Variants in GPHN observed in about 807,000 individuals in gnomAD.
GPHN encodes the protein gephyrin.
A neutral mutation model predicts 95.5 loss-of-function variants in GPHN; 17 were observed. The observed-to-expected ratio is 0.18, with a 90% CI of 0.12 to 0.27. The LOEUF (loss-of-function observed/expected upper bound fraction) is 0.27. Among genes scored for constraint, GPHN ranks in the 10% least tolerant of loss-of-function variants. The probability of loss-of-function intolerance (pLI) is 1.00; values close to 1 mark genes in which losing one functional copy is unlikely to be tolerated. For synonymous variants in GPHN, 320 were observed against 322.5 expected, an observed-to-expected ratio of 0.99 and a Z score of 0.08; for missense variants, 660 against 978.1, an observed-to-expected ratio of 0.67 and a Z score of 4.34.
the GPHN span, among the ~76,000 whole-genome samples, chr14:67,568,255 C>T: frequency 1.2e-4 from 18 of 152,222 alleles, no homozygotes; most frequent in African/African-American, 4.1e-4. Flanking sequence ...CATGGAATAC[C>T]GTGCAGCCAT....
the GPHN span, among the ~76,000 whole-genome samples, chr14:67,514,130 G>A: frequency 1.3e-5 from 2 of 152,074 alleles, no homozygotes; most frequent in African/African-American, 2.4e-5. Flanking sequence ...CCAGCAGAAA[G>A]CTGCCTGGGG....
chr14:66,542,275 A>G (rs2059379924), intron 1 of GPHN, among the ~76,000 whole-genome samples: 1 of 152,168 alleles, frequency 6.6e-6, no homozygotes, highest in African/African-American at 2.4e-5. Context: ...ACTACCTGGC[A>G]TTCATATTGT....
chr14:67,429,047 T>C, the GPHN span, among the ~76,000 whole-genome samples: 1 of 152,206 alleles, frequency 6.6e-6, no homozygotes, highest in East Asian at 1.9e-4. Flanking sequence ...CCGTATTCTC[T>C]TGTTTTATAC....
At chr14:66,745,305 A>G (rs980340436) in intron 2 of GPHN, among the ~76,000 whole-genome samples, 1 of 152,068 alleles carries the variant, frequency 6.6e-6, no homozygotes. Context: ...CCTTCTCTCT[A>G]TATATAACTT....
At chr14:67,061,409 A>G (rs1017221713) in intron 11 of GPHN, among the ~76,000 whole-genome samples, 1 of 151,936 alleles carries the variant, frequency 6.6e-6, no homozygotes, top group African/African-American at 2.4e-5. Context: ...CATCTTCCCA[A>G]TCCGTTCTCC....
intron 1 of GPHN, among the ~76,000 whole-genome samples, chr14:66,670,376 A>G (rs2066235920): frequency 6.6e-6 from 1 of 152,172 alleles, no homozygotes; most frequent in African/African-American, 2.4e-5. Context: ...TCATAAATCA[A>G]TTTGCATCCT....
chr14:67,460,297 T>C, the GPHN span, among the ~76,000 whole-genome samples: 1 of 152,312 alleles, frequency 6.6e-6, no homozygotes, highest in East Asian at 1.9e-4. Flanking sequence ...CGGCTAATTA[T>C]GGACCATGTG....
chr14:67,670,350 A>G, the GPHN span, among the ~76,000 whole-genome samples: 1 of 152,120 alleles, frequency 6.6e-6, no homozygotes, highest in East Asian at 1.9e-4. Context: ...ACTTTCCCAC[A>G]TACATTCTAA....
chr14:67,578,010 T>C, the GPHN span: 1 of 1,611,536 alleles, frequency 6.2e-7, no homozygotes. This position sits in a 1 kb window ranked among gnomAD's most constrained non-coding sequence, Gnocchi z 5.0. Flanking sequence ...TGCTCACTGC[T>C]GTTCCCTCCC....
chr14:67,521,860 T>G, the GPHN span, among the ~76,000 whole-genome samples: 2 of 152,222 alleles, frequency 1.3e-5, no homozygotes, highest in African/African-American at 4.8e-5. Context: ...GTAAGTCTTT[T>G]AGAGGACAGA....
chr14:67,451,195 G>A, the GPHN span, among the ~76,000 whole-genome samples: 1 of 152,214 alleles, frequency 6.6e-6, no homozygotes, highest in African/African-American at 2.4e-5. Context: ...ATGCCTGGAT[G>A]CACAGAAAGA....
At position 66,508,492 on chromosome 14, in the gene GPHN, C is replaced by T. The variant is rs753248340; in HGVS notation, c.-36C>T. The T allele has an allele frequency of 6.2e-7, 1 of 1,607,594 alleles. No homozygotes were observed. Among genetic ancestry groups the T allele is most frequent in the Non-Finnish European group, 8.5e-7 (1 of 1,174,096 alleles). On this transcript the variant is annotated 5_prime_UTR_variant, in exon 1 of 23. Transcript: ENST00000478722. ...CGCGCGCTCCGGGCTCCGGTTTCTC[C>T]CGGCTCCTGTCAGTGCGGTGACTGC...
the GPHN span, among the ~76,000 whole-genome samples, chr14:67,275,729 T>C: frequency 0.31 from 47,496 of 152,058 alleles, 11,393 homozygotes; most frequent in African/African-American, 0.65. Flanking sequence ...TCGTAGAATT[T>C]GGCTGCGAAT....
intron 2 of GPHN, among the ~76,000 whole-genome samples, chr14:66,714,038 G>A (rs1442465019): frequency 6.6e-6 from 1 of 152,104 alleles, no homozygotes; most frequent in Non-Finnish European, 1.5e-5. Flanking sequence ...CAAAGTGCTG[G>A]GATTACAGGT....
At chr14:67,161,088 T>G (rs1034497704) in intron 19 of GPHN, among the ~76,000 whole-genome samples, 21 of 151,770 alleles carry the variant, frequency 1.4e-4, no homozygotes, top group Non-Finnish European at 2.9e-4. Flanking sequence ...AACTCAGGAG[T>G]TCCAGACTAT....
chr14:67,351,568 G>A, the GPHN span, among the ~76,000 whole-genome samples: 1 of 152,128 alleles, frequency 6.6e-6, no homozygotes, highest in Non-Finnish European at 1.5e-5. Context: ...GAGTACAGTG[G>A]TGTAATCATA....
At chr14:67,531,438 A>G in the GPHN span, among the ~76,000 whole-genome samples, 1 of 152,102 alleles carries the variant, frequency 6.6e-6, no homozygotes, top group Admixed American at 6.5e-5. Flanking sequence ...GGTCCTGCTC[A>G]GAGTTGGGCA....
chr14:67,359,266 G>A, the GPHN span, among the ~76,000 whole-genome samples: 3 of 152,136 alleles, frequency 2.0e-5, no homozygotes, highest in Non-Finnish European at 2.9e-5. Context: ...AAACCTCCTT[G>A]GCCTTTCCAG....
At chr14:67,451,476 C>G in the GPHN span, among the ~76,000 whole-genome samples, 1 of 152,230 alleles carries the variant, frequency 6.6e-6, no homozygotes, top group African/African-American at 2.4e-5. Context: ...CAGAGCTGCT[C>G]AAGACCATGG....
Sources: gnomAD v4.1 joint callset for allele counts (sites outside exome capture counted in the v4.1 genomes callset) on GRCh38, gnomAD v4.1.1 for gene constraint, Gnocchi (gnomAD v3.1) non-coding constraint, MANE v1.5 for transcripts, NCBI Gene and HGNC (gene_info 2026-07-23, HGNC 2026-07-21) for gene names.